The following LOC400499 variants were observed in gnomAD, a reference collection of about 807,000 sequenced individuals.
the LOC400499 span, among the ~76,000 whole-genome samples, chr16:11,429,077 G>A: frequency 6.6e-6 from 1 of 152,170 alleles, no homozygotes; most frequent in Non-Finnish European, 1.5e-5. Flanking sequence ...AGGAAAGAAG[G>A]AGGGTGATAT....
the LOC400499 span, among the ~76,000 whole-genome samples, chr16:11,432,691 A>G: frequency 6.6e-6 from 1 of 152,236 alleles, no homozygotes; most frequent in African/African-American, 2.4e-5. Flanking sequence ...GAGTTCCTAC[A>G]TGACACCATT....
the LOC400499 span, among the ~76,000 whole-genome samples, chr16:11,486,959 G>A: frequency 7.4e-6 from 1 of 135,710 alleles, no homozygotes; most frequent in African/African-American, 2.7e-5. Flanking sequence ...AATGGATAAT[G>A]GGTGGGTGGG....
At chr16:11,383,308 GCA>G in the LOC400499 span, among the ~76,000 whole-genome samples, 1 of 152,082 alleles carries the variant, frequency 6.6e-6, no homozygotes, top group African/African-American at 2.4e-5. Context: ...ACCTCGTGAT[GCA>G]CCCACCTCAG....
chr16:11,425,736 C>T, the LOC400499 span, among the ~76,000 whole-genome samples: 11 of 152,240 alleles, frequency 7.2e-5, no homozygotes, highest in East Asian at 3.9e-4. Flanking sequence ...CCACAAAGAA[C>T]GCTCCAGACG....
At chr16:11,516,375 G>T in the LOC400499 span, 1 of 398,734 alleles carries the variant, frequency 2.5e-6, no homozygotes, top group South Asian at 1.3e-4. Context: ...GACTGCCAGA[G>T]GCCACAGCAT....
chr16:11,401,296 A>G, the LOC400499 span: 1 of 399,166 alleles, frequency 2.5e-6, no homozygotes, highest in Non-Finnish European at 4.4e-6. Context: ...CCCTGCTCTC[A>G]GCAAGGCCAC....
the LOC400499 span, among the ~76,000 whole-genome samples, chr16:11,434,538 T>C: frequency 6.6e-6 from 1 of 152,178 alleles, no homozygotes; most frequent in Non-Finnish European, 1.5e-5. Context: ...ACCCAGTTAG[T>C]GTCCACCAGA....
chr16:11,441,062 C>G, the LOC400499 span: 3 of 399,064 alleles, frequency 7.5e-6, no homozygotes, highest in South Asian at 3.8e-4. Flanking sequence ...TGGCCTCGAC[C>G]TCTCTGTTCT....
At chr16:11,457,616 G>T in the LOC400499 span, among the ~76,000 whole-genome samples, 1 of 145,828 alleles carries the variant, frequency 6.9e-6, no homozygotes, top group African/African-American at 2.5e-5. Context: ...AAAAATTAAA[G>T]ATCGAATTAC....
the LOC400499 span, chr16:11,515,850 G>GCCCA: frequency 4.5e-6 from 1 of 220,662 alleles, no homozygotes; most frequent in Non-Finnish European, 7.9e-6. Context: ...TCAGGGGCCC[G>GCCCA]GCCCAGCCCA....
chr16:11,384,847 C>A, the LOC400499 span: 1 of 1,231,754 alleles, frequency 8.1e-7, no homozygotes, highest in Non-Finnish European at 1.0e-6. Context: ...CCCAAAGAGT[C>A]CGCTGTAGGT....
the LOC400499 span, chr16:11,384,222 G>T: frequency 4.9e-6 from 6 of 1,231,728 alleles, no homozygotes; most frequent in African/African-American, 7.8e-5. Context: ...TCACCTGCCA[G>T]GCCAGGCTGA....
At chr16:11,433,698 A>AG in the LOC400499 span, among the ~76,000 whole-genome samples, 202 of 152,220 alleles carry the variant, frequency 1.3e-3, no homozygotes, top group African/African-American at 4.8e-3. Context: ...AGAAGGGGAG[A>AG]GGGGCTAGAG....
chr16:11,490,283 C>A, the LOC400499 span, among the ~76,000 whole-genome samples: 21 of 151,118 alleles, frequency 1.4e-4, no homozygotes, highest in Non-Finnish European at 2.6e-4. Context: ...GTAATCCCAG[C>A]TACTCAAGAG....
the LOC400499 span, chr16:11,491,784 G>C: frequency 2.5e-6 from 1 of 399,056 alleles, no homozygotes; most frequent in Non-Finnish European, 4.4e-6. Context: ...GGCCAGGTAG[G>C]CATTGATACG....
At chr16:11,511,279 G>A in the LOC400499 span, among the ~76,000 whole-genome samples, 1 of 152,176 alleles carries the variant, frequency 6.6e-6, no homozygotes, top group East Asian at 1.9e-4. Flanking sequence ...TTACAGGCTT[G>A]AGCCACTGTG....
At chr16:11,482,873 C>G in the LOC400499 span, among the ~76,000 whole-genome samples, 1 of 146,198 alleles carries the variant, frequency 6.8e-6, no homozygotes, top group South Asian at 2.1e-4. Context: ...GCCTGCATGA[C>G]AGAACCAGAC....
At chr16:11,425,919 A>G in the LOC400499 span, among the ~76,000 whole-genome samples, 1 of 152,190 alleles carries the variant, frequency 6.6e-6, no homozygotes, top group Non-Finnish European at 1.5e-5. Context: ...AGCCCAATAG[A>G]GCTATGAACA....
At chr16:11,460,246 G>C in the LOC400499 span, among the ~76,000 whole-genome samples, 4 of 152,216 alleles carry the variant, frequency 2.6e-5, no homozygotes, top group South Asian at 8.3e-4. Context: ...ACCCAGACTG[G>C]AGTACAGTGG....
Sources: allele counts gnomAD v4.1 joint callset (sites outside exome capture counted in the v4.1 genomes callset), GRCh38; gene constraint gnomAD v4.1.1; transcripts MANE v1.5.